The following SMAP1 variants were observed in gnomAD, a reference collection of about 807,000 sequenced individuals.
The protein encoded by SMAP1 is small ArfGAP 1, also known as stromal membrane-associated protein 1.
SMAP1 carries 24 observed loss-of-function variants against 58.5 expected under a neutral mutation model. The observed-to-expected ratio is 0.41, with a 90% CI of 0.30 to 0.58. The LOEUF is 0.58. SMAP1 is among the 20% of genes least tolerant of loss of function. SMAP1 has a pLI of 0.29. For synonymous variants in SMAP1, 216 were observed against 196.6 expected (o/e 1.10, Z -0.82); for missense variants, 563 against 566.3 (o/e 0.99, Z 0.06).
chr6:70,704,713 A>G (rs139905011), intron 1 of SMAP1, among the ~76,000 whole-genome samples: 77 of 152,318 alleles, frequency 5.1e-4, no homozygotes, highest in African/African-American at 1.6e-3. Context: ...ACTGATATCA[A>G]AGACATTAAG....
intron 2 of SMAP1, among the ~76,000 whole-genome samples, chr6:70,742,014 G>T (rs566065277): frequency 2.6e-5 from 4 of 152,300 alleles, no homozygotes; most frequent in African/African-American, 7.2e-5. Context: ...ACAGCAGGGG[G>T]CCCTGGCCCT....
intron 2 of SMAP1, among the ~76,000 whole-genome samples, chr6:70,751,234 C>A (rs1012625661): frequency 6.6e-6 from 1 of 151,714 alleles, no homozygotes; most frequent in East Asian, 1.9e-4. Context: ...AGTGAGACTC[C>A]GTCTTACAAA....
At chr6:70,677,661 TAAA>T (rs1766540938) in intron 1 of SMAP1, among the ~76,000 whole-genome samples, 1 of 119,232 alleles carries the variant, frequency 8.4e-6, no homozygotes, top group African/African-American at 2.9e-5. Flanking sequence ...CTATTATTAT[TAAA>T]AAATTATATT....
At chr6:70,803,875 T>A (rs939095636) in intron 6 of SMAP1, among the ~76,000 whole-genome samples, 1 of 152,232 alleles carries the variant, frequency 6.6e-6, no homozygotes, top group Non-Finnish European at 1.5e-5. Context: ...GTGATTTCTG[T>A]TCTTTTACGT....
At chr6:70,847,309 G>T (rs1393061528) in intron 7 of SMAP1, among the ~76,000 whole-genome samples, 1 of 152,126 alleles carries the variant, frequency 6.6e-6, no homozygotes, top group Non-Finnish European at 1.5e-5. Flanking sequence ...GTGAATGCAT[G>T]CTGGGAATGC....
At chr6:70,792,250 A>G (rs1768394176) in intron 5 of SMAP1, among the ~76,000 whole-genome samples, 1 of 152,088 alleles carries the variant, frequency 6.6e-6, no homozygotes, top group African/African-American at 2.4e-5. Context: ...GTTAGGGTGC[A>G]GATACTACCA....
chr6:70,746,621 G>C (rs1766053773), intron 2 of SMAP1, among the ~76,000 whole-genome samples: 1 of 152,140 alleles, frequency 6.6e-6, no homozygotes, highest in Non-Finnish European at 1.5e-5. Flanking sequence ...AGGGATATTG[G>C]TCTAAAATTC....
intron 1 of SMAP1, among the ~76,000 whole-genome samples, chr6:70,717,627 T>C (rs1768329258): frequency 6.6e-6 from 1 of 152,188 alleles, no homozygotes. Flanking sequence ...AATTGATCTG[T>C]GTATACATGT....
chr6:70,791,632 A>T, intron 4 of SMAP1, 57 bp from the exon 5 acceptor site: 2 of 1,447,322 alleles, frequency 1.4e-6, no homozygotes, highest in Admixed American at 1.8e-5. Flanking sequence ...GTGCCTGTCA[A>T]TTCTCATTAC....
rs756256216 is a variant in SMAP1, at chr6:70,837,035, A to G, written c.664+7A>G. On this transcript the variant is annotated splice_region_variant and intron_variant, in intron 7 of 10. Coordinates refer to ENST00000370455, the MANE Select transcript of SMAP1 (RefSeq NM_001044305.3). ...GTGGATCTTTTAGGACTTGGTAAGT[A>G]ATAAAAAATAAAAGTCACTGCTGGA... 5 of 1,554,228 alleles carry G rather than the reference A, an allele frequency of 3.2e-6. No individual in the cohort carries two copies. Among genetic ancestry groups the G allele is most frequent in the Non-Finnish European group, 4.3e-6 (5 of 1,151,670 alleles).
At chr6:70,669,047 A>G (rs1581968044) in intron 1 of SMAP1, among the ~76,000 whole-genome samples, 1 of 151,950 alleles carries the variant, frequency 6.6e-6, no homozygotes, top group Non-Finnish European at 1.5e-5. Flanking sequence ...TTTAGCTGCT[A>G]TGTTTTGTGT....
At chr6:70,757,743 T>G (rs1167324947) in intron 3 of SMAP1, among the ~76,000 whole-genome samples, 1 of 152,186 alleles carries the variant, frequency 6.6e-6, no homozygotes, top group Non-Finnish European at 1.5e-5. Context: ...AGAAGACATC[T>G]ATGCAGCCAA....
chr6:70,687,451 C>T (rs887493381), intron 1 of SMAP1, among the ~76,000 whole-genome samples: 9 of 152,060 alleles, frequency 5.9e-5, no homozygotes, highest in Non-Finnish European at 1.2e-4. Context: ...GTACATTTTT[C>T]TCAATGTAGG....
intron 3 of SMAP1, among the ~76,000 whole-genome samples, chr6:70,762,001 A>G (rs563338271): frequency 7.2e-5 from 11 of 152,200 alleles, no homozygotes; most frequent in African/African-American, 2.4e-4. Context: ...AGGTCACAAT[A>G]ACTGCCGGTG....
chr6:70,677,352 T>G (rs1386848762), intron 1 of SMAP1, among the ~76,000 whole-genome samples: 2 of 151,056 alleles, frequency 1.3e-5, no homozygotes, highest in Non-Finnish European at 3.0e-5. Context: ...TTGTCCTTGT[T>G]CTCTTTAATC....
At chr6:70,806,298 G>A (rs750614857) in intron 6 of SMAP1, among the ~76,000 whole-genome samples, 4 of 152,244 alleles carry the variant, frequency 2.6e-5, no homozygotes, top group Non-Finnish European at 4.4e-5. Context: ...CTCTGTGAGC[G>A]TGGGACCTGC....
At chr6:70,742,724 G>T (rs910691679) in intron 2 of SMAP1, among the ~76,000 whole-genome samples, 15 of 152,132 alleles carry the variant, frequency 9.9e-5, no homozygotes, top group African/African-American at 3.6e-4. Context: ...TGCTGATAAA[G>T]ACATACCCAA....
chr6:70,787,945 A>C (rs999758262), intron 4 of SMAP1, among the ~76,000 whole-genome samples: 6 of 152,130 alleles, frequency 3.9e-5, no homozygotes, highest in African/African-American at 1.2e-4. Flanking sequence ...CCATCCCATT[A>C]CTGGGTATAT....
chr6:70,715,501 A>G (rs994576194), intron 1 of SMAP1, among the ~76,000 whole-genome samples: 9 of 152,076 alleles, frequency 5.9e-5, no homozygotes, highest in Non-Finnish European at 8.8e-5. Flanking sequence ...ATGTCTTTGA[A>G]TGTGTTTTTA....
Sources: gnomAD v4.1 joint callset for allele counts (sites outside exome capture counted in the v4.1 genomes callset) on GRCh38, gnomAD v4.1.1 for gene constraint, MANE v1.5 for transcripts, NCBI Gene and HGNC (gene_info 2026-07-23, HGNC 2026-07-21) for gene names.